The following LAMC2 variants were observed in gnomAD, a reference collection of about 807,000 sequenced individuals.
The protein encoded by LAMC2 is laminin subunit gamma-2.
LAMC2 carries 97 observed loss-of-function variants against 140.2 expected under a neutral mutation model. That is an observed-to-expected ratio of 0.69 (90% CI 0.59 to 0.82). The LOEUF (loss-of-function observed/expected upper bound fraction) is 0.82. Among genes scored for constraint, LAMC2 ranks in the 40% least tolerant of loss-of-function variants. LAMC2 has a pLI of 0.00. For synonymous variants in LAMC2, 513 were observed against 540.2 expected (o/e 0.95, Z 0.70); for missense variants, 1,402 against 1,476.1 (o/e 0.95, Z 0.82).
chr1:183,242,052 G>A (rs1438103574), intron 22 of LAMC2, among the ~76,000 whole-genome samples: 1 of 152,170 alleles, frequency 6.6e-6, no homozygotes, highest in African/African-American at 2.4e-5. Flanking sequence ...GGACTGAACT[G>A]AGGCTCAGAG....
intron 14 of LAMC2, among the ~76,000 whole-genome samples, chr1:183,234,106 T>C (rs921951311): frequency 2.6e-5 from 4 of 152,148 alleles, no homozygotes; most frequent in African/African-American, 9.7e-5. Flanking sequence ...AGGCTGGTCT[T>C]GAACTCCTGA....
downstream of LAMC2, chr1:183,249,715 G>C (rs1024705084): frequency 1.6e-4 from 25 of 154,042 alleles, no homozygotes; most frequent in African/African-American, 5.8e-4. Flanking sequence ...GTGTGTGTGT[G>C]TGTGTGTGTG....
Position 183,225,690 on chromosome 1 carries a change from C to A in LAMC2, c.1036C>A (p.Leu346Ile). 6.2e-7 allele frequency: 1 copy of A among 1,612,914 alleles called. No individual in the cohort carries two copies. The highest frequency in any genetic ancestry group is 8.5e-7 in the Non-Finnish European group (1 of 1,178,936). The change falls in exon 8 of 23, where the codon CTC (leucine) becomes ATC (isoleucine). Residue 346 changes from leucine (L) to isoleucine (I), a missense_variant. This residue lies in a region of LAMC2 where 723 missense variants were observed against 783.3 expected (regional missense o/e 0.92). Coordinates refer to ENST00000264144, the MANE Select transcript of LAMC2 (RefSeq NM_005562.3). ...YRRLLRNLTA[L>I]RIRATYGEYS... ...AAGGTTACTGCGGAATCTCACAGCC[C>A]TCCGCATCCGAGCTACATATGGAGA... is the stretch of plus-strand genomic sequence containing the variant.
intron 17 of LAMC2, among the ~76,000 whole-genome samples, 165 bp from the exon 18 acceptor site, chr1:183,237,187 C>T (rs1025949684): frequency 7.2e-5 from 11 of 152,210 alleles, no homozygotes; most frequent in Admixed American, 5.2e-4. Context: ...TTTCATTGGG[C>T]ATACTGACTC....
chr1:183,220,888 C>T lies in LAMC2; in HGVS notation c.567C>T (p.Cys189=). 6.2e-7 allele frequency: 1 copy of T among 1,613,868 alleles called. No individual in the cohort carries two copies. Among genetic ancestry groups the T allele is most frequent in the Non-Finnish European group, 8.5e-7 (1 of 1,179,734 alleles). The change falls in exon 5 of 23, where the codon TGC becomes TGT. Residue 189 remains cysteine, a synonymous_variant. Transcript: ENST00000264144. ...CTGAGGGCTGTACCCAGTGTTTCTGCTATGGGCATTCAGCCAGCTGCCGCA... is the reference window on the plus strand; with the variant it reads ...CTGAGGGCTGTACCCAGTGTTTCTGTTATGGGCATTCAGCCAGCTGCCGCA... ...GNPEGCTQCF[C]YGHSASCRSS...
downstream of LAMC2, chr1:183,249,442 G>T (rs569708989): frequency 6.6e-6 from 1 of 152,168 alleles, no homozygotes; most frequent in Non-Finnish European, 1.5e-5. Flanking sequence ...GGACATGATT[G>T]TTCCAGTCCA....
At chr1:183,199,093 T>G (rs1157152267) in intron 1 of LAMC2, among the ~76,000 whole-genome samples, 2 of 144,260 alleles carry the variant, frequency 1.4e-5, no homozygotes, top group African/African-American at 2.6e-5. Flanking sequence ...TCTTGTTGGC[T>G]TTTCTTTTTT....
In LAMC2 at chr1:183,232,301, C is replaced by G. The variant is rs887305342; in HGVS notation, c.1972C>G (p.Gln658Glu). Residue 658 changes from glutamine to glutamate, a missense_variant, in exon 13 of 23, where the codon CAG (glutamine) becomes GAG (glutamate). By Grantham distance (29) the Gln-to-Glu change is conservative. This residue lies in a region of LAMC2 where 670 missense variants were observed against 667.2 expected (regional missense o/e 1.00). Coordinates refer to ENST00000264144, the MANE Select transcript of LAMC2 (RefSeq NM_005562.3). ...GGAAGGCAGGATGCAGCAGGCTGAG[C>G]AGGCCCTTCAGGACATTCTGAGAGA... is the stretch of plus-strand genomic sequence containing the variant. ...ELEGRMQQAEQALQDILRDAQ... is the reference protein window; with the variant it reads ...ELEGRMQQAEEALQDILRDAQ... 16 of 1,613,944 alleles carry G rather than the reference C, an allele frequency of 9.9e-6. No individual in the cohort carries two copies. The highest frequency in any genetic ancestry group is 1.3e-5 in the African/African-American group (1 of 74,928).
At chr1:183,203,501 CGA>C (rs933327907) in intron 1 of LAMC2, among the ~76,000 whole-genome samples, 28 of 136,732 alleles carry the variant, frequency 2.0e-4, no homozygotes, top group African/African-American at 7.6e-4. Context: ...CCCCTAGTAG[CGA>C]GAGTAAGTAA....
chr1:183,232,373 AAGAGAATTCATAGTCCT>A (rs1295151821), intron 13 of LAMC2, 30 bp downstream of exon 13: 1 of 1,612,496 alleles, frequency 6.2e-7, no homozygotes, highest in African/African-American at 1.3e-5. Context: ...CTTCAGACAG[AAGAGAATTCATAGTCCT>A]AGAAGGAATG....
At chr1:183,232,039 C>G (rs1171407075) in intron 12 of LAMC2, 148 bp from the exon 13 acceptor site, 8 of 912,462 alleles carry the variant, frequency 8.8e-6, no homozygotes, top group Admixed American at 3.8e-5. Context: ...CTCAAGGACT[C>G]TCTAGGCTCC....
In LAMC2 at chr1:183,243,372, A is replaced by T. The variant is rs780752035; in HGVS notation, c.3554A>T (p.Tyr1185Phe). 1 of 1,614,228 alleles carries T rather than the reference A, an allele frequency of 6.2e-7. No individual in the cohort carries two copies. The highest frequency in any genetic ancestry group is 1.7e-5 in the Admixed American group (1 of 60,028). ...AGGGACAACCTGCCCCCAGGCTGCT[A>T]CAATACCCAGGCTCTTGAGCAACAG... is the stretch of plus-strand genomic sequence containing the variant. ...NIRDNLPPGC[Y>F]NTQALEQQ Residue 1185 changes from tyrosine (Y) to phenylalanine (F), a missense_variant, in exon 23 of 23, where the codon TAC becomes TTC. By Grantham distance (22) the Tyr-to-Phe change is conservative (BLOSUM62 3). Around this residue, in one of 3 missense-constraint regions of LAMC2, gnomAD observed 670 missense variants for 667.2 expected, o/e 1.00. Transcript: ENST00000264144.
intron 1 of LAMC2, among the ~76,000 whole-genome samples, chr1:183,193,859 GTT>G (rs55949514): frequency 0.41 from 61,652 of 151,732 alleles, 13,364 homozygotes; most frequent in East Asian, 0.63. Context: ...CAAAATGTTT[GTT>G]ACTTCTCTTT....
intron 16 of LAMC2, 105 bp downstream of exon 16, chr1:183,235,835 TA>T: frequency 8.6e-7 from 1 of 1,167,962 alleles, no homozygotes; most frequent in Non-Finnish European, 1.2e-6. Context: ...AAAAACATAT[TA>T]TTAATGATAA....
At chr1:183,236,435 G>A (rs776451460) in intron 16 of LAMC2, 25 bp from the exon 17 acceptor site, 12 of 1,544,100 alleles carry the variant, frequency 7.8e-6, no homozygotes, top group African/African-American at 2.8e-5. Context: ...TTTTATTACC[G>A]CCCCCTCCCC....
intron 1 of LAMC2, among the ~76,000 whole-genome samples, chr1:183,192,129 C>G (rs1323110180): frequency 6.6e-6 from 1 of 152,208 alleles, no homozygotes; most frequent in East Asian, 1.9e-4. Flanking sequence ...GAGAATGGTT[C>G]TTCCTCCAGC....
chr1:183,201,813 A>C lies in LAMC2; in HGVS notation c.80-6068A>C, dbSNP rs1028771. On this transcript the variant is annotated intron_variant, in intron 1 of 22. Coordinates refer to ENST00000264144, the MANE Select transcript of LAMC2 (RefSeq NM_005562.3). ...CTCTAAGGTGAATTTTGAAGTCTTC[A>C]TCAGCATATCCATATTAAAAGGAGA... 5.9e-3 allele frequency among the ~76,000 whole-genome samples: 904 copies of C among 152,332 alleles called. 8 individuals are homozygous for C. Among genetic ancestry groups the C allele is most frequent in the African/African-American group, 0.021 (863 of 41,578 alleles).
intron 17 of LAMC2, 101 bp from the exon 18 acceptor site, chr1:183,237,251 A>T: frequency 7.4e-7 from 1 of 1,352,980 alleles, no homozygotes; most frequent in Non-Finnish European, 1.1e-6. Flanking sequence ...TTGGCTTCTT[A>T]AGGCTGTTGC....
chr1:183,243,572 C>T lies in LAMC2; in HGVS notation c.*172C>T. 1 of 738,104 alleles carries T rather than the reference C, an allele frequency of 1.4e-6. No homozygotes were observed. Among genetic ancestry groups the T allele is most frequent in the South Asian group, 1.6e-5 (1 of 61,110 alleles). The allele number at this position is 738,104 out of a possible 1,614,324, so 45.7% of individuals were successfully genotyped here. ...CCATGGCCAGGTGGTTGTCTTATTGCACCATACTCCTTGCTTCCTGATGCT... is the reference window on the plus strand; with the variant it reads ...CCATGGCCAGGTGGTTGTCTTATTGTACCATACTCCTTGCTTCCTGATGCT... On this transcript the variant is annotated 3_prime_UTR_variant, in exon 23 of 23. Coordinates refer to ENST00000264144, the MANE Select transcript of LAMC2 (RefSeq NM_005562.3).
Sources: gnomAD v4.1 joint callset for allele counts (sites outside exome capture counted in the v4.1 genomes callset) on GRCh38, gnomAD v4.1.1 for gene constraint, gnomAD v4.1.1 regional missense constraint, MANE v1.5 for transcripts, NCBI Gene and HGNC (gene_info 2026-07-23, HGNC 2026-07-21) for gene names.